Variants in MACF1 observed in about 807,000 individuals in gnomAD.
MACF1 encodes microtubule-actin cross-linking factor 1.
A neutral mutation model predicts 854.8 loss-of-function variants in MACF1; 193 were observed. The observed-to-expected ratio is 0.23, with a 90% CI of 0.20 to 0.25. MACF1 has a LOEUF of 0.25. MACF1 is among the 10% of genes least tolerant of loss of function. The probability of loss-of-function intolerance (pLI) is 1.00; values close to 1 mark genes in which losing one functional copy is unlikely to be tolerated. For missense variants in MACF1, 7,722 were observed against 8,929.1 expected (o/e 0.86, Z 5.45); for synonymous variants, 3,185 against 3,226.7 (o/e 0.99, Z 0.44).
In MACF1 at chr1:39,335,633, C is replaced by T; in HGVS notation, c.9045C>T (p.Ser3015=). The change falls in exon 37 of 101, where the codon AGC becomes AGT. Residue 3015 remains serine, a synonymous_variant. Coordinates refer to ENST00000564288, the MANE Select transcript of MACF1 (RefSeq NM_001394062.1). ...IRDEHDSHIK[S]QPREMTSSEK... is the part of the protein sequence containing the mutation. Reference sequence around the variant, plus strand: ...ATGAGCATGACTCCCATATAAAGAGCCAACCTAGGGAAATGACCTCAAGTG... The same window carrying T: ...ATGAGCATGACTCCCATATAAAGAGTCAACCTAGGGAAATGACCTCAAGTG... 6.2e-7 allele frequency: 1 copy of T among 1,614,048 alleles called. No homozygotes were observed. The highest frequency in any genetic ancestry group is 2.2e-5 in the East Asian group (1 of 44,874).
chr1:39,328,330 T>C (rs1156985813), intron 36 of MACF1: 2 of 152,044 alleles, frequency 1.3e-5, no homozygotes, highest in Non-Finnish European at 2.9e-5. Flanking sequence ...GTTTTAACAA[T>C]TGCTTGCTGA....
Position 39,336,133 on chromosome 1 carries a change from G to C in MACF1, c.9545G>C (p.Arg3182Thr), listed in dbSNP as rs1646806041. The C allele has an allele frequency of 1.2e-6, 2 of 1,614,156 alleles. No homozygotes were observed. The highest frequency in any genetic ancestry group is 1.3e-5 in the African/African-American group (1 of 75,044). Residue 3182 changes from arginine (R) to threonine (T), a missense_variant, in exon 37 of 101, where the codon AGA becomes ACA. Transcript: ENST00000564288. ...CAAGAAGTATCTTTTGACCCAGCAAGAGGTCTTAAATTGGAAGAAATCACA... is the reference window on the plus strand; with the variant it reads ...CAAGAAGTATCTTTTGACCCAGCAACAGGTCTTAAATTGGAAGAAATCACA... ...SYQEVSFDPA[R>T]GLKLEEITVS...
intron 43 of MACF1, among the ~76,000 whole-genome samples, chr1:39,351,934 T>C (rs1647196066): frequency 6.6e-6 from 1 of 152,090 alleles, no homozygotes; most frequent in Admixed American, 6.6e-5. Flanking sequence ...CTAAGAGTAC[T>C]AGGGAAAAAT....
Position 39,448,683 on chromosome 1 carries a change from C to T in MACF1, c.20178C>T (p.Pro6726=), listed in dbSNP as rs759255188. ...GRALKEKTLL[P]EDSQKLDNFL... ...CACTGAAAGAAAAGACTTTGCTTCC[C>T]GAAGATAGTCAGAAACTTGACAATT... Residue 6726 remains proline (P), a synonymous_variant, in exon 84 of 101, where the codon CCC becomes CCT. Coordinates refer to ENST00000564288, the MANE Select transcript of MACF1 (RefSeq NM_001394062.1). 8 of 1,612,868 alleles carry T rather than the reference C, an allele frequency of 5.0e-6. No homozygotes were observed. The highest frequency in any genetic ancestry group is 4.4e-5 in the South Asian group (4 of 90,960).
At chr1:39,307,523 A>G (rs1282511832) in intron 23 of MACF1, among the ~76,000 whole-genome samples, 1 of 152,176 alleles carries the variant, frequency 6.6e-6, no homozygotes, top group Non-Finnish European at 1.5e-5. Flanking sequence ...TAATGAACAC[A>G]AACTAGAAAC....
intron 23 of MACF1, 87 bp from the exon 24 acceptor site, chr1:39,309,483 T>G: frequency 6.6e-7 from 1 of 1,509,592 alleles, no homozygotes; most frequent in Non-Finnish European, 9.1e-7. Context: ...TCAATTCTGC[T>G]AAGGCAATCA....
intron 54 of MACF1, 138 bp from the exon 55 acceptor site, chr1:39,380,104 CTT>C: frequency 1.3e-6 from 1 of 761,740 alleles, no homozygotes; most frequent in Middle Eastern, 2.5e-4. Context: ...GGTTAAGTAT[CTT>C]AACACCACTA....
At chr1:39,349,739 C>T (rs1647135491) in intron 42 of MACF1, 112 bp downstream of exon 42, 1 of 1,120,788 alleles carries the variant, frequency 8.9e-7, no homozygotes. Flanking sequence ...CTCAGGCAAT[C>T]CTCCCACCTC....
At chr1:39,413,777 C>T (rs530324952) in intron 58 of MACF1, 1 of 1,611,532 alleles carries the variant, frequency 6.2e-7, no homozygotes, top group Admixed American at 1.7e-5. Flanking sequence ...GAATCTGCCT[C>T]CCCAGCTGCT....
At chr1:39,317,095 G>C in intron 28 of MACF1, 119 bp from the exon 29 acceptor site, 1 of 1,022,062 alleles carries the variant, frequency 9.8e-7, no homozygotes, top group Non-Finnish European at 1.4e-6. Flanking sequence ...ACATTCCAGG[G>C]CACAATCACA....
At chr1:39,144,823 G>A (rs1238776883) in intron 2 of MACF1, among the ~76,000 whole-genome samples, 1 of 151,954 alleles carries the variant, frequency 6.6e-6, no homozygotes, top group African/African-American at 2.4e-5. Context: ...AAGTTTTTTG[G>A]GGGAGGGTAT....
chr1:39,156,110 C>T (rs1021125807), intron 2 of MACF1, among the ~76,000 whole-genome samples: 10 of 151,904 alleles, frequency 6.6e-5, no homozygotes, highest in African/African-American at 1.7e-4. Context: ...CTCCTGACCT[C>T]GTGATCCGCC....
chr1:39,309,889 A>G (rs569857494), intron 24 of MACF1, among the ~76,000 whole-genome samples, 193 bp downstream of exon 24: 1 of 152,340 alleles, frequency 6.6e-6, no homozygotes, highest in African/African-American at 2.4e-5. Context: ...GAAATTCCTA[A>G]TTAGAATAAG....
chr1:39,333,549 A>C lies in MACF1; in HGVS notation c.6961A>C (p.Thr2321Pro). The change falls in exon 37 of 101, where the codon ACT (threonine) becomes CCT (proline). Residue 2321 changes from threonine (T) to proline (P), a missense_variant. By Grantham distance (38) the Thr-to-Pro change is conservative. Coordinates refer to ENST00000564288, the MANE Select transcript of MACF1 (RefSeq NM_001394062.1). ...ATCCCGAGGCATTGTGCCAAGTCAC[A>C]CTGCCGTGAAGCTTATGGAGAAGCT... ...AISRGIVPSH[T>P]AVKLMEKLNM... 6.2e-7 allele frequency: 1 copy of C among 1,614,230 alleles called. No individual in the cohort carries two copies. The highest frequency in any genetic ancestry group is 8.5e-7 in the Non-Finnish European group (1 of 1,180,032).
chr1:39,313,555 CT>C (rs953510633), intron 26 of MACF1, among the ~76,000 whole-genome samples: 15 of 151,162 alleles, frequency 9.9e-5, no homozygotes, highest in Middle Eastern at 3.4e-3. Context: ...CCCTCCCTCC[CT>C]TTTTTTTTCT....
At chr1:39,361,219 G>A in intron 48 of MACF1, 141 bp from the exon 49 acceptor site, 2 of 867,714 alleles carry the variant, frequency 2.3e-6, no homozygotes, top group Non-Finnish European at 3.5e-6. Context: ...GGAGAACTAA[G>A]GTGATGAGAT....
At chr1:39,411,786 T>C in intron 58 of MACF1, 1 of 1,613,880 alleles carries the variant, frequency 6.2e-7, no homozygotes, top group South Asian at 1.1e-5. Flanking sequence ...TACTCGTAAT[T>C]AGTCATTTTT....
At chr1:39,337,370 A>G (rs779600962) in intron 38 of MACF1, 39 bp downstream of exon 38, 1 of 1,602,858 alleles carries the variant, frequency 6.2e-7, no homozygotes, top group South Asian at 1.1e-5. Context: ...CACCAGCTTC[A>G]AGATAGCTGC....
chr1:39,302,836 A>G (rs1646077790), intron 22 of MACF1, 88 bp from the exon 23 acceptor site: 2 of 1,294,540 alleles, frequency 1.5e-6, no homozygotes, highest in African/African-American at 1.5e-5. Flanking sequence ...TTTTTTCTTA[A>G]GGATTTGATA....
Sources: allele counts gnomAD v4.1 joint callset (sites outside exome capture counted in the v4.1 genomes callset), GRCh38; gene constraint gnomAD v4.1.1; transcripts MANE v1.5; gene names NCBI Gene and HGNC (gene_info 2026-07-23, HGNC 2026-07-21).